Variants in OR6C6 observed in about 807,000 individuals in gnomAD.
The protein encoded by OR6C6 is olfactory receptor family 6 subfamily C member 6, also known as olfactory receptor 6C6.
For synonymous variants in OR6C6, 140 were observed against 135.2 expected (o/e 1.04, Z -0.25); for missense variants, 411 against 366.8 (o/e 1.12, Z -0.98).
rs763560106 is a variant in OR6C6 at position 55,295,050 on chromosome 12, GAGAA to G, written c.179_182del (p.Phe60SerfsTer9). On this transcript the variant is annotated frameshift_variant, in exon 2 of 2. Transcript: ENST00000358433. LOFTEE classifies it low-confidence loss of function (END_TRUNC). ...TTACTTCCAAAAAGGAGAAATTACG[GAGAA>G]AGAAATACATTGGCGTCTTGAGCCG... The G allele has an allele frequency of 6.2e-7, 1 of 1,614,026 alleles. No homozygotes were observed. Among genetic ancestry groups the G allele is most frequent in the East Asian group, 2.2e-5 (1 of 44,832 alleles).
At position 55,294,721 on chromosome 12, in the gene OR6C6, GT is replaced by G. The variant is rs748655339; in HGVS notation, c.511del (p.Thr171LeufsTer23). ...GLKLDFCASKTIDHFMCETSP... is the reference protein window; with the variant it reads ...GLKLDFCASKXIDHFMCETSP... Reference sequence around the variant, plus strand: ...AGTTTCACACATAAAGTGGTCAATAGTTTTGGAAGCACAAAAATCCAGCTTG... The same window carrying G: ...AGTTTCACACATAAAGTGGTCAATAGTTTGGAAGCACAAAAATCCAGCTTG... On this transcript the variant is annotated frameshift_variant, in exon 2 of 2. Coordinates refer to ENST00000358433, the MANE Select transcript of OR6C6 (RefSeq NM_001005493.2). LOFTEE classifies it low-confidence loss of function (END_TRUNC). The G allele has an allele frequency of 6.2e-7, 1 of 1,614,086 alleles. No homozygotes were observed. The highest frequency in any genetic ancestry group is 1.1e-5 in the South Asian group (1 of 91,086).
In OR6C6 at chr12:55,294,927, G is replaced by A. The variant is rs866508134; in HGVS notation, c.306C>T (p.Ile102=). ...YNNCATQLFF[I]LLPGVTEFYL... is the part of the protein sequence containing the mutation. Reference sequence around the variant, plus strand: ...AAAACTCAGTAACTCCCGGTAAAAGGATAAAAAATAATTGAGTTGCACAAT... The same window carrying A: ...AAAACTCAGTAACTCCCGGTAAAAGAATAAAAAATAATTGAGTTGCACAAT... The change falls in exon 2 of 2, where the codon ATC becomes ATT. Residue 102 remains isoleucine, a synonymous_variant. Transcript: ENST00000358433. 1.2e-6 allele frequency: 2 copies of A among 1,613,836 alleles called. No homozygotes were observed. Among genetic ancestry groups the A allele is most frequent in the South Asian group, 1.1e-5 (1 of 91,080 alleles).
chr12:55,296,004 A>T (rs1194210633), intron 1 of OR6C6, among the ~76,000 whole-genome samples: 1 of 151,792 alleles, frequency 6.6e-6, no homozygotes, highest in Non-Finnish European at 1.5e-5. Flanking sequence ...CATATTCTTT[A>T]TAACACCATT....
At position 55,294,211 on chromosome 12, in the gene OR6C6, C is replaced by T. The variant is rs1954570110; in HGVS notation, c.*77G>A. On this transcript the variant is annotated 3_prime_UTR_variant, in exon 2 of 2. Transcript: ENST00000358433. ...CCACCCTCCTCAGCCTCCCAAAGTGCTGTGATTACAGGCATGAGCCACCAT... is the reference window on the plus strand; with the variant it reads ...CCACCCTCCTCAGCCTCCCAAAGTGTTGTGATTACAGGCATGAGCCACCAT... The T allele has an allele frequency of 1.2e-6, 1 of 850,340 alleles. No homozygotes were observed. Among genetic ancestry groups the T allele is most frequent in the Non-Finnish European group, 1.9e-6 (1 of 533,498 alleles). The allele number at this position is 850,340 out of a possible 1,614,324, so 52.7% of individuals were successfully genotyped here.
chr12:55,295,156 A>C lies in OR6C6; in HGVS notation c.77T>G (p.Phe26Cys), dbSNP rs1032964275. 6.2e-7 allele frequency: 1 copy of C among 1,613,794 alleles called. No homozygotes were observed. The highest frequency in any genetic ancestry group is 1.7e-5 in the Admixed American group (1 of 59,968). ...GGTGTAGTTGAGAAATAGAAACAGG[A>C]AAATCACAATTTGCAACTGTGGGTC... Reference protein sequence around the residue: ...TDDPQLQIVIFLFLFLNYTLS... With the variant: ...TDDPQLQIVICLFLFLNYTLS... Residue 26 changes from phenylalanine (F) to cysteine (C), a missense_variant, in exon 2 of 2, where the codon TTC (phenylalanine) becomes TGC (cysteine). Phe to Cys is a radical substitution (Grantham distance 205). Transcript: ENST00000358433.
Position 55,294,223 on chromosome 12 carries a change from G to A in OR6C6, c.*65C>T. The A allele has an allele frequency of 3.1e-6, 3 of 972,994 alleles. No individual in the cohort carries two copies. The highest frequency in any genetic ancestry group is 4.7e-6 in the Non-Finnish European group (3 of 634,946). The allele number at this position is 972,994 out of a possible 1,614,324, so 60.3% of individuals were successfully genotyped here. ...GCCTCCCAAAGTGCTGTGATTACAGGCATGAGCCACCATGCCAGGCCGTTT... is the reference window on the plus strand; with the variant it reads ...GCCTCCCAAAGTGCTGTGATTACAGACATGAGCCACCATGCCAGGCCGTTT... On this transcript the variant is annotated 3_prime_UTR_variant, in exon 2 of 2. Transcript: ENST00000358433.
Position 55,294,222 on chromosome 12 carries a change from G to T in OR6C6, c.*66C>A. 2 of 967,070 alleles carry T rather than the reference G, an allele frequency of 2.1e-6. No homozygotes were observed. Among genetic ancestry groups the T allele is most frequent in the Non-Finnish European group, 3.2e-6 (2 of 629,962 alleles). 59.9% of individuals were successfully genotyped at this position (967,070 alleles called of 1,614,324 possible). A position where few individuals can be genotyped will look rare whatever the true frequency, so the allele number is the denominator to read the frequency against. On this transcript the variant is annotated 3_prime_UTR_variant, in exon 2 of 2. Transcript: ENST00000358433. ...AGCCTCCCAAAGTGCTGTGATTACA[G>T]GCATGAGCCACCATGCCAGGCCGTT... is the stretch of plus-strand genomic sequence containing the variant.
chr12:55,294,869 C>A lies in OR6C6; in HGVS notation c.364G>T (p.Val122Phe), dbSNP rs201844969. Reference protein sequence around the residue: ...LLAAMSYDRYVAICKPLHYPI... With the variant: ...LLAAMSYDRYFAICKPLHYPI... ...TAATGCAGTGGTTTGCAGATGGCAA[C>A]GTAGCGGTCATAGGACATGGCAGCC... Residue 122 changes from valine (V) to phenylalanine (F), a missense_variant, in exon 2 of 2, where the codon GTT (valine) becomes TTT (phenylalanine). Transcript: ENST00000358433. 44 of 1,613,976 alleles carry A rather than the reference C, an allele frequency of 2.7e-5. No homozygotes were observed. The East Asian group carries it at 6.0e-4, about 22-fold the overall frequency.
intron 1 of OR6C6, among the ~76,000 whole-genome samples, chr12:55,296,012 A>G (rs945898731): frequency 1.3e-5 from 2 of 151,810 alleles, no homozygotes; most frequent in Non-Finnish European, 2.9e-5. Flanking sequence ...TTATAACACC[A>G]TTGAAAATCC....
rs746999886 is a variant in OR6C6 at position 55,294,731 on chromosome 12, C to T, written c.502G>A (p.Ala168Thr). The change falls in exon 2 of 2, where the codon GCT becomes ACT. Residue 168 changes from alanine to threonine, a missense_variant. By Grantham distance (58) the Ala-to-Thr change is moderately conservative. Transcript: ENST00000358433. ...ATAAAGTGGTCAATAGTTTTGGAAG[C>T]ACAAAAATCCAGCTTGAGTCCCATG... ...LVMGLKLDFC[A>T]SKTIDHFMCE... The T allele has an allele frequency of 8.1e-6, 13 of 1,614,018 alleles. No individual in the cohort carries two copies. The highest frequency in any genetic ancestry group is 1.1e-5 in the Non-Finnish European group (13 of 1,180,000).
At position 55,296,356 on chromosome 12, in the gene OR6C6, C is replaced by A. The variant is rs565193314; in HGVS notation, c.-63G>T. The A allele has an allele frequency of 6.6e-6, 1 of 151,842 alleles. No homozygotes were observed. The highest frequency in any genetic ancestry group is 1.5e-5 in the Non-Finnish European group (1 of 67,884). 9.4% of individuals were successfully genotyped at this position (151,842 alleles called of 1,614,324 possible). On this transcript the variant is annotated 5_prime_UTR_variant, in exon 1 of 2. Coordinates refer to ENST00000358433, the MANE Select transcript of OR6C6 (RefSeq NM_001005493.2). ...TATTATTCATTTCTTTCTGTGTGCA[C>A]GGAAGAGATGCATGCTAACATAATT...
chr12:55,296,343 C>T lies in OR6C6; in HGVS notation c.-50G>A, dbSNP rs914355103. 1.3e-5 allele frequency: 2 copies of T among 151,934 alleles called. No individual in the cohort carries two copies. Among genetic ancestry groups the T allele is most frequent in the Non-Finnish European group, 2.9e-5 (2 of 67,926 alleles). 9.4% of individuals were successfully genotyped at this position (151,934 alleles called of 1,614,324 possible). ...CCTTTTTTGGATCTATTATTCATTT[C>T]TTTCTGTGTGCACGGAAGAGATGCA... On this transcript the variant is annotated 5_prime_UTR_variant, in exon 1 of 2. Transcript: ENST00000358433.
chr12:55,294,600 T>G lies in OR6C6; in HGVS notation c.633A>C (p.Leu211Phe). 6.2e-7 allele frequency: 1 copy of G among 1,613,960 alleles called. No homozygotes were observed. The highest frequency in any genetic ancestry group is 2.2e-5 in the East Asian group (1 of 44,884). Residue 211 changes from leucine (L) to phenylalanine (F), a missense_variant, in exon 2 of 2, where the codon TTA becomes TTC. Leu to Phe is a conservative substitution (Grantham distance 22). Coordinates refer to ENST00000358433, the MANE Select transcript of OR6C6 (RefSeq NM_001005493.2). ...AVVTLVVTLV[L>F]VILSYTCIIK... is the part of the protein sequence containing the mutation. ...TAATGCAAGTGTAAGAGAGAATCAC[T>G]AATACCAGTGTGACCACAAGTGTCA...
rs750001109 is a variant in OR6C6 at position 55,294,793 on chromosome 12, C to G, written c.440G>C (p.Trp147Ser). ...AAATATGATTAAGAATCCAGTTACC[C>G]AAGAGCTAAGTACAAGTTGGTAGCA... ...KVCYQLVLSSWVTGFLIIFPP... is the reference protein window; with the variant it reads ...KVCYQLVLSSSVTGFLIIFPP... The change falls in exon 2 of 2, where the codon TGG (tryptophan) becomes TCG (serine). Residue 147 changes from tryptophan (W) to serine (S), a missense_variant. Coordinates refer to ENST00000358433, the MANE Select transcript of OR6C6 (RefSeq NM_001005493.2). 6.2e-7 allele frequency: 1 copy of G among 1,614,046 alleles called. No homozygotes were observed. The highest frequency in any genetic ancestry group is 8.5e-7 in the Non-Finnish European group (1 of 1,179,990).
In OR6C6 at chr12:55,294,583, G is replaced by C. The variant is rs751130912; in HGVS notation, c.650C>G (p.Thr217Ser). ...VTLVLVILSYTCIIKTILKFS... is the reference protein window; with the variant it reads ...VTLVLVILSYSCIIKTILKFS... ...TTTCAGAATGGTCTTAATAATGCAAGTGTAAGAGAGAATCACTAATACCAG... is the reference window on the plus strand; with the variant it reads ...TTTCAGAATGGTCTTAATAATGCAACTGTAAGAGAGAATCACTAATACCAG... The change falls in exon 2 of 2, where the codon ACT becomes AGT. Residue 217 changes from threonine to serine, a missense_variant. Coordinates refer to ENST00000358433, the MANE Select transcript of OR6C6 (RefSeq NM_001005493.2). The C allele has an allele frequency of 2.5e-6, 4 of 1,614,120 alleles. No homozygotes were observed. In the East Asian group the frequency reaches 8.9e-5, roughly 36 times the overall value.
chr12:55,296,531 T>C lies in OR6C6; in HGVS notation c.-238A>G, dbSNP rs1379619221. ...CTCAACTTCATCCTCACTATAAAGA[T>C]TGATACTCAGATATTAATAATTTTA... On this transcript the variant is annotated 5_prime_UTR_variant, in exon 1 of 2. Coordinates refer to ENST00000358433, the MANE Select transcript of OR6C6 (RefSeq NM_001005493.2). 2 of 152,028 alleles carry C rather than the reference T, an allele frequency of 1.3e-5. No individual in the cohort carries two copies. The highest frequency in any genetic ancestry group is 4.8e-5 in the African/African-American group (2 of 41,436). 9.4% of individuals were successfully genotyped at this position (152,028 alleles called of 1,614,324 possible).
Position 55,294,642 on chromosome 12 carries a change from A to G in OR6C6, c.591T>C (p.Ser197=). ...CAAGTGTCACCACAGCTAAGGTAAA[A>G]GACATCAATTCTAGGACATGGGTAT... ...CTDTHVLELM[S]FTLAVVTLVV... The change falls in exon 2 of 2, where the codon TCT becomes TCC. Residue 197 remains serine, a synonymous_variant. Transcript: ENST00000358433. 1 of 1,614,120 alleles carries G rather than the reference A, an allele frequency of 6.2e-7. No homozygotes were observed. Among genetic ancestry groups the G allele is most frequent in the African/African-American group, 1.3e-5 (1 of 75,072 alleles).
chr12:55,294,811 T>C lies in OR6C6; in HGVS notation c.422A>G (p.Gln141Arg). 6.2e-7 allele frequency: 1 copy of C among 1,614,048 alleles called. No individual in the cohort carries two copies. The highest frequency in any genetic ancestry group is 1.7e-5 in the Admixed American group (1 of 59,992). ...PIIMSSKVCY[Q>R]LVLSSWVTGF... The stretch of plus-strand genomic sequence containing the variant: ...AGTTACCCAAGAGCTAAGTACAAGT[T>C]GGTAGCAGACTTTGCTGCTCATAAT... Residue 141 changes from glutamine to arginine, a missense_variant, in exon 2 of 2, where the codon CAA becomes CGA. Physicochemically the swap from Gln to Arg is conservative, Grantham distance 43 (BLOSUM62 1). Coordinates refer to ENST00000358433, the MANE Select transcript of OR6C6 (RefSeq NM_001005493.2).
At position 55,294,671 on chromosome 12, in the gene OR6C6, T is replaced by A; in HGVS notation, c.562A>T (p.Thr188Ser). 1 of 1,614,156 alleles carries A rather than the reference T, an allele frequency of 6.2e-7. No homozygotes were observed. Among genetic ancestry groups the A allele is most frequent in the South Asian group, 1.1e-5 (1 of 91,084 alleles). Reference sequence around the variant, plus strand: ...ATCAATTCTAGGACATGGGTATCTGTGCAGGAGATCTGCAGAATAGGAGAA... The same window carrying A: ...ATCAATTCTAGGACATGGGTATCTGAGCAGGAGATCTGCAGAATAGGAGAA... ...ETSPILQISC[T>S]DTHVLELMSF... The change falls in exon 2 of 2, where the codon ACA becomes TCA. Residue 188 changes from threonine to serine, a missense_variant. By Grantham distance (58) the Thr-to-Ser change is moderately conservative. Coordinates refer to ENST00000358433, the MANE Select transcript of OR6C6 (RefSeq NM_001005493.2).
Sources: allele counts gnomAD v4.1 joint callset (sites outside exome capture counted in the v4.1 genomes callset), GRCh38; gene constraint gnomAD v4.1.1; transcripts MANE v1.5; gene names NCBI Gene and HGNC (gene_info 2026-07-23, HGNC 2026-07-21).